VRK3: variants seen among roughly 807,000 people sequenced by gnomAD.
VRK3 encodes the protein serine/threonine-protein kinase VRK3.
Under a neutral mutation model 60.4 loss-of-function variants are expected in VRK3, and 50 were observed. The ratio of observed to expected loss-of-function variants is 0.83; its 90% CI spans 0.66 to 1.05. The LOEUF (loss-of-function observed/expected upper bound fraction) is 1.05, where lower values mean the gene tolerates loss of function less well. Among genes scored for constraint, VRK3 ranks in the 50% least tolerant of loss-of-function variants. The pLI, the probability that VRK3 is intolerant of heterozygous loss-of-function variation, is 0.00. For synonymous variants in VRK3, 246 were observed against 227.8 expected (o/e 1.08, Z -0.72); for missense variants, 549 against 585.3 (o/e 0.94, Z 0.64).
At chr19:50,014,335 G>T (rs1473448412) in intron 3 of VRK3, among the ~76,000 whole-genome samples, 1 of 151,912 alleles carries the variant, frequency 6.6e-6, no homozygotes, top group Non-Finnish European at 1.5e-5. Flanking sequence ...GAGGCGGGTG[G>T]ATCATTTGAG....
chr19:50,011,319 C>A (rs2076990566), intron 3 of VRK3, among the ~76,000 whole-genome samples: 1 of 152,208 alleles, frequency 6.6e-6, no homozygotes, highest in Non-Finnish European at 1.5e-5. Context: ...TTTTATTCCA[C>A]ATATTTGGGC....
At chr19:49,999,987 C>T (rs1390938968) in intron 6 of VRK3, 1 of 152,214 alleles carries the variant, frequency 6.6e-6, no homozygotes, top group Non-Finnish European at 1.5e-5. Flanking sequence ...ATGCCAGGCT[C>T]TCAAAGCAGG....
At chr19:50,008,208 G>C (rs1236075744) in intron 4 of VRK3, among the ~76,000 whole-genome samples, 3 of 152,190 alleles carry the variant, frequency 2.0e-5, no homozygotes, top group Admixed American at 1.3e-4. Context: ...GGAGAAGTTT[G>C]CCAGGGAATA....
Position 49,980,129 on chromosome 19 carries a change from T to C in VRK3, c.1276+826A>G, listed in dbSNP as rs545957414. Among the ~76,000 whole-genome samples the C allele has an allele frequency of 2.8e-4, 43 of 152,184 alleles. No individual in the cohort carries two copies. The South Asian group carries it at 8.9e-3, about 32-fold the overall frequency. On this transcript the variant is annotated intron_variant, in intron 13 of 14. Coordinates refer to ENST00000316763, the MANE Select transcript of VRK3 (RefSeq NM_016440.4). The stretch of plus-strand genomic sequence containing the variant: ...AGAGAGCCAGAGGGAACAAGCTATC[T>C]GTTTCTGTCTGTCCATTTCTGCCTC...
At chr19:49,985,007 G>T (rs980235644) in intron 12 of VRK3, among the ~76,000 whole-genome samples, 1 of 152,158 alleles carries the variant, frequency 6.6e-6, no homozygotes. Context: ...GGGAATTGAG[G>T]CCCCCCTACT....
Position 50,022,561 on chromosome 19 carries a change from G to A in VRK3, c.-64-1914C>T, listed in dbSNP as rs550467193. ...AGCACTTTGGGAGGCCGAGGTGGGC[G>A]GATCACGTGAGGTTAGGAGTTCCAG... On this transcript the variant is annotated intron_variant, in intron 1 of 14. Coordinates refer to ENST00000316763, the MANE Select transcript of VRK3 (RefSeq NM_016440.4). Among the ~76,000 whole-genome samples the A allele has an allele frequency of 5.0e-3, 759 of 152,198 alleles. 2 individuals carry two copies. The highest frequency in any genetic ancestry group is 0.01 in the Middle Eastern group (3 of 294).
intron 2 of VRK3, among the ~76,000 whole-genome samples, chr19:50,019,478 G>T (rs1037710636): frequency 4.6e-5 from 7 of 151,774 alleles, no homozygotes; most frequent in Admixed American, 4.6e-4. Flanking sequence ...GAAGTTGCTT[G>T]TTGCTGAAGC....
At chr19:49,987,906 G>GT (rs1301541529) in intron 12 of VRK3, 2 of 153,546 alleles carry the variant, frequency 1.3e-5, no homozygotes, top group African/African-American at 4.8e-5. Flanking sequence ...GTTTCACTGT[G>GT]TTAGTCAGGA....
rs368296208 is a variant in VRK3, at chr19:50,000,756, C to A, written c.612+34G>T. On this transcript the variant is annotated intron_variant, in intron 6 of 14. Coordinates refer to ENST00000316763, the MANE Select transcript of VRK3 (RefSeq NM_016440.4). Reference sequence around the variant, plus strand: ...GGATGTGTTTGTGAAAGTCCCTCCCCTCCAAGCTGCCCCCCACCTGCAGGG... The same window carrying A: ...GGATGTGTTTGTGAAAGTCCCTCCCATCCAAGCTGCCCCCCACCTGCAGGG... The A allele has an allele frequency of 1.1e-4, 177 of 1,592,728 alleles. No individual in the cohort carries two copies. In the Middle Eastern group the frequency reaches 5.3e-3, roughly 48 times the overall value.
intron 3 of VRK3, chr19:50,015,634 G>A (rs181467025): frequency 2.7e-3 from 477 of 177,508 alleles, no homozygotes; most frequent in Non-Finnish European, 4.2e-3. Flanking sequence ...GAATCAGGAT[G>A]CTCAACCAGT....
chr19:50,000,623 G>A lies in VRK3; in HGVS notation c.612+167C>T. The A allele has an allele frequency of 4.1e-6, 3 of 729,818 alleles. No homozygotes were observed. The Admixed American group carries it at 7.5e-5, about 18-fold the overall frequency. 45.2% of individuals were successfully genotyped at this position (729,818 alleles called of 1,614,324 possible). On this transcript the variant is annotated intron_variant, in intron 6 of 14. Coordinates refer to ENST00000316763, the MANE Select transcript of VRK3 (RefSeq NM_016440.4). The stretch of plus-strand genomic sequence containing the variant: ...CTGTGGGTTTCCAACACCCTGGGAT[G>A]ATGGAGAACTGGGCGCCTGCCCCGC...
intron 2 of VRK3, among the ~76,000 whole-genome samples, chr19:50,019,942 G>C (rs193161410): frequency 6.6e-6 from 1 of 151,646 alleles, no homozygotes. Context: ...GCAGTGGCAC[G>C]ATCTTGGCTC....
intron 10 of VRK3, among the ~76,000 whole-genome samples, chr19:49,991,800 T>C (rs2123111979): frequency 6.6e-6 from 1 of 152,314 alleles, no homozygotes; most frequent in Non-Finnish European, 1.5e-5. Flanking sequence ...ATGACAGGGT[T>C]TGAGCTCCTG....
chr19:50,002,799 C>T (rs1036020657), intron 5 of VRK3, among the ~76,000 whole-genome samples: 11 of 152,202 alleles, frequency 7.2e-5, no homozygotes, highest in African/African-American at 2.6e-4. Flanking sequence ...GTGGCAGATC[C>T]AGGTTTCTGC....
At chr19:50,021,442 CA>C (rs2077169395) in intron 1 of VRK3, among the ~76,000 whole-genome samples, 1 of 152,216 alleles carries the variant, frequency 6.6e-6, no homozygotes, top group South Asian at 2.1e-4. Context: ...CCATGGAAGC[CA>C]GTTTCCACGG....
intron 1 of VRK3, among the ~76,000 whole-genome samples, chr19:50,023,255 G>A (rs1020512100): frequency 6.6e-5 from 10 of 152,120 alleles, no homozygotes; most frequent in African/African-American, 2.2e-4. Flanking sequence ...GCACGATCTC[G>A]GCTTACTGCA....
chr19:49,985,298 G>A (rs1422974765), intron 12 of VRK3, among the ~76,000 whole-genome samples: 1 of 152,182 alleles, frequency 6.6e-6, no homozygotes, highest in African/African-American at 2.4e-5. Context: ...GAGAGTAAGT[G>A]TAAAAATAAG....
rs990920270 is a variant in VRK3 at position 50,025,271 on chromosome 19, G to A, written c.-69C>T. The stretch of plus-strand genomic sequence containing the variant: ...GTTCGCCTCGCTTCCCCTCACCTCT[G>A]TACTTGGGGACTGGGGTGGGATTCT... On this transcript the variant is annotated 5_prime_UTR_variant, in exon 1 of 15. Coordinates refer to ENST00000316763, the MANE Select transcript of VRK3 (RefSeq NM_016440.4). The A allele has an allele frequency of 1.3e-5, 2 of 152,366 alleles. No homozygotes were observed. Among genetic ancestry groups the A allele is most frequent in the Admixed American group, 6.5e-5 (1 of 15,288 alleles). The allele number at this position is 152,366 out of a possible 1,614,324, so 9.4% of individuals were successfully genotyped here. A position where few individuals can be genotyped will look rare whatever the true frequency, so the allele number is the denominator to read the frequency against.
At chr19:49,983,158 C>T (rs1468263168) in intron 12 of VRK3, among the ~76,000 whole-genome samples, 1 of 151,490 alleles carries the variant, frequency 6.6e-6, no homozygotes, top group Non-Finnish European at 1.5e-5. Flanking sequence ...GGCTCCCCAG[C>T]ACACACTGGC....
Sources: gnomAD v4.1 joint callset for allele counts (sites outside exome capture counted in the v4.1 genomes callset) on GRCh38, gnomAD v4.1.1 for gene constraint, MANE v1.5 for transcripts, NCBI Gene and HGNC (gene_info 2026-07-23, HGNC 2026-07-21) for gene names.